TMEM135: variants seen among roughly 807,000 people sequenced by gnomAD.
The protein encoded by TMEM135 is peroxisomal membrane protein 52.
A neutral mutation model predicts 60.3 loss-of-function variants in TMEM135; 30 were observed. The observed-to-expected ratio is 0.50, with a 90% CI of 0.37 to 0.68. TMEM135 has a LOEUF of 0.68. Among genes scored for constraint, TMEM135 ranks in the 30% least tolerant of loss-of-function variants. The pLI is 0.00. For synonymous variants in TMEM135, 190 were observed against 186.7 expected (o/e 1.02, Z -0.14); for missense variants, 468 against 548.8 (o/e 0.85, Z 1.47).
Position 87,122,309 on chromosome 11 carries a change from GTTTTTTT to G in TMEM135, c.396+30927_396+30933del, listed in dbSNP as rs11367827. 2.2e-3 allele frequency among the ~76,000 whole-genome samples: 247 copies of G among 110,368 alleles called. 2 individuals carry two copies. Among genetic ancestry groups the G allele is most frequent in the African/African-American group, 7.6e-3 (231 of 30,216 alleles). The allele number at this position is 110,368 out of a possible 152,430, so 72.4% of individuals were successfully genotyped here. ...GACTGGCAGGTTTATGTTTTGCTAG[GTTTTTTT>G]TTTTTTTTTTTTGTCAAATCCTGAT... On this transcript the variant is annotated intron_variant, in intron 4 of 14. Transcript: ENST00000305494.
chr11:87,104,101 T>G (rs1857532914), intron 4 of TMEM135, among the ~76,000 whole-genome samples: 1 of 152,160 alleles, frequency 6.6e-6, no homozygotes, highest in African/African-American at 2.4e-5. Context: ...TTTGAATTAA[T>G]TTTTATATAA....
intron 3 of TMEM135, among the ~76,000 whole-genome samples, chr11:87,081,995 C>G (rs1310179694): frequency 6.6e-6 from 1 of 152,116 alleles, no homozygotes; most frequent in Admixed American, 6.5e-5. Context: ...TTAGGTGATG[C>G]AGTTAACAAT....
At chr11:87,258,819 C>T (rs1323402933) in intron 6 of TMEM135, 9 of 641,418 alleles carry the variant, frequency 1.4e-5, no homozygotes, top group Non-Finnish European at 2.2e-5. Context: ...ACTTCTCCCA[C>T]GGAGACAGCT....
intron 4 of TMEM135, among the ~76,000 whole-genome samples, chr11:87,129,213 ATTTTTTTTTTTTTTTTTTTTTTTTTTTT>A (rs71040295): frequency 2.3e-4 from 27 of 116,270 alleles, no homozygotes; most frequent in South Asian, 8.3e-4. Flanking sequence ...TTATTCCTTA[ATTTTTTTTTTTTTTTTTTTTTTTTTTTT>A]TTTTTTTTTT....
intron 6 of TMEM135, among the ~76,000 whole-genome samples, chr11:87,289,437 CTTTTTTTTTTTTTTTTT>C (rs376999371): frequency 1.1e-5 from 1 of 87,578 alleles, no homozygotes; most frequent in Non-Finnish European, 2.0e-5. Flanking sequence ...ATCTCCATAT[CTTTTTTTTTTTTTTTTT>C]TTTTTTTTTT....
At chr11:87,129,502 C>T (rs112009208) in intron 4 of TMEM135, among the ~76,000 whole-genome samples, 106 of 149,586 alleles carry the variant, frequency 7.1e-4, no homozygotes, top group African/African-American at 2.5e-3. Flanking sequence ...CTAGGCCTCC[C>T]AAAGTGCTGG....
At chr11:87,167,510 A>T (rs1939088585) in intron 5 of TMEM135, among the ~76,000 whole-genome samples, 1 of 152,178 alleles carries the variant, frequency 6.6e-6, no homozygotes. Flanking sequence ...GAGTGCTTTT[A>T]GCATGAAGCG....
At chr11:87,173,788 C>T (rs1782461963) in intron 5 of TMEM135, among the ~76,000 whole-genome samples, 1 of 152,104 alleles carries the variant, frequency 6.6e-6, no homozygotes. Flanking sequence ...TGATCCACAG[C>T]TATACTAATA....
intron 6 of TMEM135, among the ~76,000 whole-genome samples, chr11:87,286,556 G>GCT (rs1301713338): frequency 6.6e-6 from 1 of 152,240 alleles, no homozygotes; most frequent in East Asian, 1.9e-4. Flanking sequence ...TGGGACCGGG[G>GCT]GCCACAGAGC....
chr11:87,202,012 A>ATGTTATGTTATGTTATGTT (rs1565484440), intron 5 of TMEM135, among the ~76,000 whole-genome samples: 1 of 24,100 alleles, frequency 4.1e-5, no homozygotes, highest in Admixed American at 3.1e-4. Flanking sequence ...TATGTTATGT[A>ATGTTATGTTATGTTATGTT]ATGTTATGTT....
Position 87,257,927 on chromosome 11 carries a change from T to G in TMEM135, c.509+21243T>G, listed in dbSNP as rs185521578. ...TTTAAATATAAATCTGGCACATTCTTGATCAAAATTAAGTCACAGATTGCC... is the reference window on the plus strand; with the variant it reads ...TTTAAATATAAATCTGGCACATTCTGGATCAAAATTAAGTCACAGATTGCC... On this transcript the variant is annotated intron_variant, in intron 6 of 14. Coordinates refer to ENST00000305494, the MANE Select transcript of TMEM135 (RefSeq NM_022918.4). Among the ~76,000 whole-genome samples the G allele has an allele frequency of 2.1e-3, 320 of 152,252 alleles. 2 individuals carry two copies. The highest frequency in any genetic ancestry group is 6.8e-3 in the Middle Eastern group (2 of 294).
At chr11:87,039,697 C>G (rs1043304644) in intron 1 of TMEM135, among the ~76,000 whole-genome samples, 1 of 152,180 alleles carries the variant, frequency 6.6e-6, no homozygotes. Flanking sequence ...CATTATTGAG[C>G]TCTTGATATA....
intron 4 of TMEM135, among the ~76,000 whole-genome samples, chr11:87,120,419 G>A (rs865791265): frequency 1.0e-4 from 15 of 149,218 alleles, no homozygotes; most frequent in South Asian, 6.3e-4. Flanking sequence ...CTTTTTAGTC[G>A]TATCATGGGG....
chr11:87,213,578 G>A lies in TMEM135; in HGVS notation c.463-23060G>A, dbSNP rs548806301. 1.1e-4 allele frequency among the ~76,000 whole-genome samples: 16 copies of A among 152,216 alleles called. No individual in the cohort carries two copies. The South Asian group carries it at 1.7e-3, about 16-fold the overall frequency. ...AATAGGTAGTTTAAGTAGTTCTTCC[G>A]TATTAGTAGGTGGTTTCTGTTTTGT... On this transcript the variant is annotated intron_variant, in intron 5 of 14. Coordinates refer to ENST00000305494, the MANE Select transcript of TMEM135 (RefSeq NM_022918.4).
chr11:87,038,116 G>A lies in TMEM135; in HGVS notation c.71G>A (p.Arg24Gln), dbSNP rs759295010. The A allele has an allele frequency of 5.0e-6, 8 of 1,614,138 alleles. No homozygotes were observed. The Middle Eastern group carries it at 6.6e-4, about 133-fold the overall frequency. Residue 24 changes from arginine (R) to glutamine (Q), a missense_variant, in exon 1 of 15, where the codon CGG (arginine) becomes CAG (glutamine). Physicochemically the swap from Arg to Gln is conservative, Grantham distance 43. Transcript: ENST00000305494. ...GGCCACACTTGGCACCCTTCCTGCCGGGTCTCCTTCCTGCAGATCACCGGG... is the reference window on the plus strand; with the variant it reads ...GGCCACACTTGGCACCCTTCCTGCCAGGTCTCCTTCCTGCAGATCACCGGG... ...EIGHTWHPSC[R>Q]VSFLQITGGA...
At chr11:87,209,098 G>A (rs1008509650) in intron 5 of TMEM135, among the ~76,000 whole-genome samples, 1 of 152,104 alleles carries the variant, frequency 6.6e-6, no homozygotes, top group African/African-American at 2.4e-5. Flanking sequence ...ACCAAAACAT[G>A]TATAAGGACA....
Position 87,314,428 on chromosome 11 carries a change from ATACTC to A in TMEM135, c.1001-41_1001-37del, listed in dbSNP as rs781140005. The A allele has an allele frequency of 9.5e-5, 142 of 1,496,960 alleles. 1 individual carries two copies. The South Asian group carries it at 1.5e-3, about 16-fold the overall frequency. 92.7% of individuals were successfully genotyped at this position (1,496,960 alleles called of 1,614,324 possible). On this transcript the variant is annotated intron_variant, in intron 11 of 14. Coordinates refer to ENST00000305494, the MANE Select transcript of TMEM135 (RefSeq NM_022918.4). Reference sequence around the variant, plus strand: ...TTTCTGATGACATAATAACAAATAAATACTCTGCGATCTTATCAGTTATTTCTTAT... The same window carrying A: ...TTTCTGATGACATAATAACAAATAAATGCGATCTTATCAGTTATTTCTTAT...
chr11:87,110,772 ATG>A (rs113927464), intron 4 of TMEM135, among the ~76,000 whole-genome samples: 20 of 55,992 alleles, frequency 3.6e-4, no homozygotes, highest in Middle Eastern at 0.01. Context: ...GTGTGTGTGT[ATG>A]TGTGTGTGTG....
intron 5 of TMEM135, among the ~76,000 whole-genome samples, chr11:87,164,099 A>G (rs1245313903): frequency 7.8e-6 from 1 of 127,508 alleles, no homozygotes; most frequent in Non-Finnish European, 1.6e-5. Context: ...TGTTTTAGAC[A>G]TGAAGTCCTT....
Sources: gnomAD v4.1 joint callset for allele counts (sites outside exome capture counted in the v4.1 genomes callset) on GRCh38, gnomAD v4.1.1 for gene constraint, MANE v1.5 for transcripts, NCBI Gene and HGNC (gene_info 2026-07-23, HGNC 2026-07-21) for gene names.